Variants in MEIOB observed in about 807,000 individuals in gnomAD.
MEIOB encodes meiosis specific with OB-fold, also known as meiosis-specific with OB domain-containing protein.
MEIOB carries 50 observed loss-of-function variants against 53.1 expected under a neutral mutation model. The ratio of observed to expected loss-of-function variants is 0.94; its 90% CI spans 0.75 to 1.19. The LOEUF (loss-of-function observed/expected upper bound fraction) is 1.19. Ranked by LOEUF, MEIOB falls within the 50% of genes most tolerant of loss-of-function variation. MEIOB has a pLI of 0.00. For synonymous variants in MEIOB, 192 were observed against 182.5 expected, an observed-to-expected ratio of 1.05 and a Z score of -0.42; for missense variants, 551 against 550.8, an observed-to-expected ratio of 1.00 and a Z score of 0.00.
intron 5 of MEIOB, among the ~76,000 whole-genome samples, chr16:1,858,590 T>C (rs987259425): frequency 1.3e-5 from 2 of 152,186 alleles, no homozygotes; most frequent in African/African-American, 2.4e-5. Flanking sequence ...GTGATCTTCC[T>C]AAACCACAAA....
intron 3 of MEIOB, 41 bp downstream of exon 3, chr16:1,865,737 A>G (rs1282767501): frequency 8.3e-6 from 12 of 1,447,534 alleles, no homozygotes; most frequent in Non-Finnish European, 1.0e-5. Flanking sequence ...CATAAGCCAA[A>G]GTTGATGAAA....
chr16:1,850,034 T>A (rs2575359), intron 9 of MEIOB, among the ~76,000 whole-genome samples: 125,923 of 152,232 alleles, frequency 0.83, 52,213 homozygotes, highest in Middle Eastern at 0.9. Context: ...TTGAGAAAGA[T>A]GGCATTTTTT....
chr16:1,857,722 G>A lies in MEIOB; in HGVS notation c.528+13C>T. 1 of 1,549,872 alleles carries A rather than the reference G, an allele frequency of 6.5e-7. No individual in the cohort carries two copies. Among genetic ancestry groups the A allele is most frequent in the African/African-American group, 1.4e-5 (1 of 73,102 alleles). On this transcript the variant is annotated intron_variant, in intron 6 of 13. Coordinates refer to ENST00000325962, the MANE Select transcript of MEIOB (RefSeq NM_001163560.3). Reference sequence around the variant, plus strand: ...GCCAGATTGCACTTGGCTTTGTCGGGGTTTTAACTTACCGATTTCACAGCT... The same window carrying A: ...GCCAGATTGCACTTGGCTTTGTCGGAGTTTTAACTTACCGATTTCACAGCT...
intron 11 of MEIOB, among the ~76,000 whole-genome samples, chr16:1,840,402 G>A (rs572303718): frequency 6.6e-6 from 1 of 152,010 alleles, no homozygotes; most frequent in African/African-American, 2.4e-5. Context: ...ACACACACAC[G>A]ACTGCATGTG....
At position 1,865,759 on chromosome 16, in the gene MEIOB, G is replaced by C. The variant is rs1277192918; in HGVS notation, c.127+19C>G. ...CAAAGTTGATGAAAAATGAAACCAA[G>C]AGTTAAACAGAACTCAGCTTTTTCT... On this transcript the variant is annotated intron_variant, in intron 3 of 13. Transcript: ENST00000325962. 6.5e-7 allele frequency: 1 copy of C among 1,532,530 alleles called. No homozygotes were observed. Among genetic ancestry groups the C allele is most frequent in the African/African-American group, 1.4e-5 (1 of 72,142 alleles). 94.9% of individuals were successfully genotyped at this position (1,532,530 alleles called of 1,614,324 possible).
At chr16:1,849,839 G>T (rs1371512324) in intron 9 of MEIOB, among the ~76,000 whole-genome samples, 2 of 152,102 alleles carry the variant, frequency 1.3e-5, no homozygotes, top group Non-Finnish European at 2.9e-5. Flanking sequence ...ACTGAGAACA[G>T]ATTTTACGTG....
In MEIOB at chr16:1,862,089, C is replaced by A. The variant is rs1397662368; in HGVS notation, c.155G>T (p.Ser52Ile). 1.3e-6 allele frequency: 2 copies of A among 1,551,198 alleles called. No homozygotes were observed. Among genetic ancestry groups the A allele is most frequent in the Non-Finnish European group, 8.7e-7 (1 of 1,146,724 alleles). ...KNIGSERYTFSFTIRDSPAHF... is the reference protein window; with the variant it reads ...KNIGSERYTFIFTIRDSPAHF... Reference sequence around the variant, plus strand: ...TGCTGGTGAATCCCGAATGGTGAAGCTGAAAGTGTACCTTTCTGATCCAAT... The same window carrying A: ...TGCTGGTGAATCCCGAATGGTGAAGATGAAAGTGTACCTTTCTGATCCAAT... Residue 52 changes from serine to isoleucine, a missense_variant, in exon 4 of 14, where the codon AGC becomes ATC. Coordinates refer to ENST00000325962, the MANE Select transcript of MEIOB (RefSeq NM_001163560.3).
chr16:1,837,092 T>C (rs964631107), intron 13 of MEIOB, among the ~76,000 whole-genome samples: 3 of 152,188 alleles, frequency 2.0e-5, no homozygotes, highest in Non-Finnish European at 4.4e-5. Flanking sequence ...TTTCCTCCTC[T>C]GACACCTTGA....
At chr16:1,855,161 G>T (rs5006377) in intron 6 of MEIOB, among the ~76,000 whole-genome samples, 1 of 151,928 alleles carries the variant, frequency 6.6e-6, no homozygotes, top group African/African-American at 2.4e-5. Flanking sequence ...TGGCCGGGAG[G>T]GGTGGCTCAC....
At chr16:1,862,942 A>G (rs1899484065) in intron 3 of MEIOB, among the ~76,000 whole-genome samples, 1 of 151,854 alleles carries the variant, frequency 6.6e-6, no homozygotes, top group Admixed American at 6.6e-5. Flanking sequence ...AATAAAAATA[A>G]AAATTGGCCA....
intron 7 of MEIOB, among the ~76,000 whole-genome samples, 199 bp from the exon 8 acceptor site, chr16:1,853,470 A>G (rs2142089423): frequency 6.6e-6 from 1 of 152,298 alleles, no homozygotes; most frequent in East Asian, 1.9e-4. Context: ...CATTCCTTCA[A>G]CACACACTCT....
intron 10 of MEIOB, among the ~76,000 whole-genome samples, chr16:1,842,705 C>G (rs987105115): frequency 1.3e-5 from 2 of 151,000 alleles, no homozygotes; most frequent in African/African-American, 4.8e-5. Flanking sequence ...ACTCTGTCGC[C>G]CAGGCGGTAG....
At chr16:1,871,134 C>A (rs1351421016) in intron 1 of MEIOB, among the ~76,000 whole-genome samples, 6 of 152,084 alleles carry the variant, frequency 3.9e-5, no homozygotes, top group African/African-American at 1.4e-4. Context: ...TTAACAGATA[C>A]AAAATTAACA....
intron 9 of MEIOB, among the ~76,000 whole-genome samples, chr16:1,852,254 C>CTTT (rs56066518): frequency 1.1e-4 from 10 of 94,014 alleles, no homozygotes; most frequent in Admixed American, 1.6e-4. Context: ...TGGTTTTTCA[C>CTTT]TTTTTTTTTT....
In MEIOB at chr16:1,857,900, G is replaced by A; in HGVS notation, c.363C>T (p.His121=). The A allele has an allele frequency of 6.4e-7, 1 of 1,550,586 alleles. No homozygotes were observed. ...SNCKLLLSEN[H]STVKVCSSYE... ...AACTGGAACAAACTTTTACTGTTGA[G>A]TGATTCTCACTGAGCAACAGTTTAC... The change falls in exon 6 of 14, where the codon CAC becomes CAT. Residue 121 remains histidine (H), a synonymous_variant. Transcript: ENST00000325962.
rs138706449 is a variant in MEIOB at position 1,835,662 on chromosome 16, C to T, written c.1306-1296G>A. ...TACAGGGGCTACACCTCCCATTGCA[C>T]GGACTGAGCTGTTTTAGAACTAGGT... On this transcript the variant is annotated intron_variant, in intron 13 of 13. Transcript: ENST00000325962. Among the ~76,000 whole-genome samples, 72 of 152,196 alleles carry T rather than the reference C, an allele frequency of 4.7e-4. 1 individual carries two copies. The highest frequency in any genetic ancestry group is 1.5e-3 in the African/African-American group (61 of 41,542).
chr16:1,845,710 A>G (rs1175314434), intron 9 of MEIOB, among the ~76,000 whole-genome samples: 1 of 152,182 alleles, frequency 6.6e-6, no homozygotes, highest in Non-Finnish European at 1.5e-5. Flanking sequence ...ATTGAAATAT[A>G]TAAAATAGGC....
At chr16:1,869,795 T>C (rs1392633057) in intron 1 of MEIOB, among the ~76,000 whole-genome samples, 1 of 151,708 alleles carries the variant, frequency 6.6e-6, no homozygotes, top group Admixed American at 6.6e-5. Flanking sequence ...GCATCAAGCT[T>C]ACCTCAAAAA....
At chr16:1,856,413 G>A (rs963449960) in intron 6 of MEIOB, among the ~76,000 whole-genome samples, 8 of 151,380 alleles carry the variant, frequency 5.3e-5, no homozygotes, top group Non-Finnish European at 8.8e-5. Context: ...TCTGCCTCCC[G>A]GGTTCACGCC....
Sources: allele counts gnomAD v4.1 joint callset (sites outside exome capture counted in the v4.1 genomes callset), GRCh38; gene constraint gnomAD v4.1.1; transcripts MANE v1.5; gene names NCBI Gene and HGNC (gene_info 2026-07-23, HGNC 2026-07-21).